EME1: variants seen among roughly 807,000 people sequenced by gnomAD.
EME1 encodes structure-specific endonuclease subunit EME1.
Under a neutral mutation model 59.1 loss-of-function variants are expected in EME1, and 61 were observed. That is an observed-to-expected ratio of 1.03 (90% CI 0.84 to 1.28). The LOEUF is 1.28. Among genes scored for constraint, EME1 ranks in the 50% most tolerant of loss-of-function variants. The pLI is 0.00. For missense variants in EME1, 635 were observed against 682.6 expected (o/e 0.93, Z 0.78); for synonymous variants, 230 against 254.2 (o/e 0.90, Z 0.90).
rs1913807177 is a variant in EME1, at chr17:50,381,004, CTG to C, written c.*67_*68del. ...CCACTTCCCCAACCTCAGAGCCTGA[CTG>C]TAATGAAGAGACTGGCAGCACCTCC... On this transcript the variant is annotated 3_prime_UTR_variant, in exon 9 of 9. Transcript: ENST00000338165. 1.9e-6 allele frequency: 3 copies of C among 1,576,766 alleles called. No homozygotes were observed. The South Asian group carries it at 3.4e-5, about 18-fold the overall frequency.
At chr17:50,377,860 A>G (rs1428197894) in intron 3 of EME1, among the ~76,000 whole-genome samples, 3 of 151,222 alleles carry the variant, frequency 2.0e-5, no homozygotes, top group Non-Finnish European at 4.4e-5. Context: ...GGTTCAAGTG[A>G]TTCTTCTGCC....
intron 1 of EME1, among the ~76,000 whole-genome samples, chr17:50,374,188 C>T (rs1329288362): frequency 1.3e-5 from 2 of 152,128 alleles, no homozygotes; most frequent in Non-Finnish European, 2.9e-5. Flanking sequence ...ACTGAATGTA[C>T]ACTTTTAAAA....
Position 50,375,841 on chromosome 17 carries a change from C to T in EME1, c.633C>T (p.His211=), listed in dbSNP as rs141753068. Reference sequence around the variant, plus strand: ...AGAAGGTCCAGGGAAGAGGCTCACACGGATGCCGGCAGCAGAGACAAGCAA... The same window carrying T: ...AGAAGGTCCAGGGAAGAGGCTCACATGGATGCCGGCAGCAGAGACAAGCAA... ...PSQKVQGRGS[H]GCRQQRQARQ... Residue 211 remains histidine (H), a synonymous_variant, in exon 2 of 9, where the codon CAC becomes CAT. Coordinates refer to ENST00000338165, the MANE Select transcript of EME1 (RefSeq NM_152463.4). 1.7e-5 allele frequency: 28 copies of T among 1,614,030 alleles called. No homozygotes were observed. The highest frequency in any genetic ancestry group is 1.1e-4 in the African/African-American group (8 of 74,908).
At chr17:50,378,153 A>C (rs1447265483) in intron 3 of EME1, among the ~76,000 whole-genome samples, 4 of 135,890 alleles carry the variant, frequency 2.9e-5, no homozygotes, top group African/African-American at 1.1e-4. Context: ...TGCAACCTCC[A>C]CCTCCCAGTT....
intron 1 of EME1, among the ~76,000 whole-genome samples, chr17:50,374,139 T>G (rs558725156): frequency 6.6e-6 from 1 of 152,282 alleles, no homozygotes; most frequent in African/African-American, 2.4e-5. Context: ...GATAAAATAG[T>G]GATGATGGTT....
chr17:50,380,648 C>A (rs1181300482), intron 8 of EME1, 115 bp from the exon 9 acceptor site: 1 of 1,537,276 alleles, frequency 6.5e-7, no homozygotes, highest in African/African-American at 1.4e-5. Flanking sequence ...CTAATGCTGA[C>A]CCAGGGAGGG....
rs184924405 is a variant in EME1, at chr17:50,376,068, C to T, written c.778C>T (p.Leu260Phe). ...AGTCCCTTTTCCATCTGTTGCAGTG[C>T]TCTTACAGATGGAAGGTGGGGGCCA... ...KHIIVVLDPV[L>F]LQMEGGGQLL... The change falls in exon 3 of 9, where the codon CTC becomes TTC. Residue 260 changes from leucine to phenylalanine, a missense_variant and splice_region_variant. Transcript: ENST00000338165. 12 of 1,613,356 alleles carry T rather than the reference C, an allele frequency of 7.4e-6. No individual in the cohort carries two copies. Among genetic ancestry groups the T allele is most frequent in the Admixed American group, 3.3e-5 (2 of 60,016 alleles).
intron 8 of EME1, 81 bp from the exon 9 acceptor site, chr17:50,380,682 C>A: frequency 1.3e-6 from 2 of 1,587,832 alleles, no homozygotes; most frequent in Non-Finnish European, 1.7e-6. Context: ...ATGCCCCAAG[C>A]CAAGCGTAGC....
chr17:50,378,560 T>A (rs1300504884), intron 3 of EME1, 35 bp from the exon 4 acceptor site: 1 of 1,609,896 alleles, frequency 6.2e-7, no homozygotes, highest in Non-Finnish European at 8.5e-7. Flanking sequence ...CCTGCTGACC[T>A]CCCTCCCTGT....
chr17:50,373,383 C>T, intron 1 of EME1, 106 bp downstream of exon 1: 1 of 635,524 alleles, frequency 1.6e-6, no homozygotes. Context: ...CTGCAGCGGA[C>T]CGCCAGCCTG....
At chr17:50,378,557 AC>A (rs1913594832) in intron 3 of EME1, 37 bp from the exon 4 acceptor site, 1 of 1,607,628 alleles carries the variant, frequency 6.2e-7, no homozygotes, top group Admixed American at 1.7e-5. Flanking sequence ...ATACCTGCTG[AC>A]CTCCCTCCCT....
intron 3 of EME1, among the ~76,000 whole-genome samples, chr17:50,376,439 C>G (rs766929536): frequency 1.3e-5 from 2 of 152,160 alleles, no homozygotes; most frequent in Non-Finnish European, 2.9e-5. Context: ...GTTTTTCGAC[C>G]TCAGTATTGT....
chr17:50,375,125 C>G, intron 1 of EME1, 60 bp from the exon 2 acceptor site: 1 of 1,359,232 alleles, frequency 7.4e-7, no homozygotes. Context: ...GGCTATGGAA[C>G]ACAGCTAGTG....
rs73346027 is a variant in EME1 at position 50,378,932 on chromosome 17, G to A, written c.1112+37G>A. On this transcript the variant is annotated intron_variant, in intron 5 of 8. Coordinates refer to ENST00000338165, the MANE Select transcript of EME1 (RefSeq NM_152463.4). ...CCCTGGTGATTTCATGTTAAAAGGGGCAGCTCTTGGGCCAAGGGGGGTGAG... is the reference window on the plus strand; with the variant it reads ...CCCTGGTGATTTCATGTTAAAAGGGACAGCTCTTGGGCCAAGGGGGGTGAG... 5.3e-4 allele frequency: 855 copies of A among 1,614,060 alleles called. 6 individuals are homozygous for A. In the African/African-American group the frequency reaches 0.011, roughly 20 times the overall value.
At chr17:50,379,666 C>A in intron 7 of EME1, 99 bp downstream of exon 7, 1 of 1,026,834 alleles carries the variant, frequency 9.7e-7, no homozygotes, top group Non-Finnish European at 1.5e-6. Context: ...TCTCTGCAGT[C>A]AGCCCATTGT....
intron 3 of EME1, 26 bp downstream of exon 3, chr17:50,376,219 C>G (rs769049258): frequency 6.2e-7 from 1 of 1,605,688 alleles, no homozygotes; most frequent in South Asian, 1.1e-5. Flanking sequence ...CTGACATTTC[C>G]TCCCTCTCCT....
In EME1 at chr17:50,375,510, C is replaced by T; in HGVS notation, c.302C>T (p.Thr101Ile). 6.2e-7 allele frequency: 1 copy of T among 1,613,780 alleles called. No homozygotes were observed. Residue 101 changes from threonine to isoleucine, a missense_variant, in exon 2 of 9, where the codon ACA (threonine) becomes ATA (isoleucine). Coordinates refer to ENST00000338165, the MANE Select transcript of EME1 (RefSeq NM_152463.4). ...TTTATTCCTCTGGCTCAAAGGCTTA[C>T]ATGTAAGTTTCTGACCCACAAGCAA... ...EEFIPLAQRLTCKFLTHKQLS... is the reference protein window; with the variant it reads ...EEFIPLAQRLICKFLTHKQLS...
rs1913766526 is a variant in EME1, at chr17:50,380,608, A to G, written c.1536+107A>G. The G allele has an allele frequency of 2.6e-6, 4 of 1,537,660 alleles. No homozygotes were observed. In the East Asian group the frequency reaches 6.8e-5, roughly 26 times the overall value. ...AGGGCCCACAAAGGCCTCACAGGTC[A>G]GCAGTGCAGGTCTACTAAGATCAGT... On this transcript the variant is annotated intron_variant, in intron 8 of 8. Coordinates refer to ENST00000338165, the MANE Select transcript of EME1 (RefSeq NM_152463.4).
intron 7 of EME1, chr17:50,379,837 G>C (rs1361721134): frequency 2.4e-6 from 1 of 425,048 alleles, no homozygotes; most frequent in Non-Finnish European, 4.3e-6. Context: ...AAGTTACCAG[G>C]ATTAATTACA....
Sources: allele counts gnomAD v4.1 joint callset (sites outside exome capture counted in the v4.1 genomes callset), GRCh38; gene constraint gnomAD v4.1.1; transcripts MANE v1.5; gene names NCBI Gene and HGNC (gene_info 2026-07-23, HGNC 2026-07-21).